SORCS2: variants seen among roughly 807,000 people sequenced by gnomAD.
The protein encoded by SORCS2 is VPS10 domain-containing receptor SorCS2.
SORCS2 carries 100 observed loss-of-function variants against 141.6 expected under a neutral mutation model. The ratio of observed to expected loss-of-function variants is 0.71; its 90% confidence interval spans 0.60 to 0.83. The LOEUF is 0.83. SORCS2 is among the 40% of genes least tolerant of loss of function. The probability of loss-of-function intolerance (pLI) is 0.00; values close to 1 mark genes in which losing one functional copy is unlikely to be tolerated. For synonymous variants in SORCS2, 789 were observed against 676.9 expected (o/e 1.17, Z -2.57); for missense variants, 1,646 against 1,560.2 (o/e 1.05, Z -0.93).
intron 9 of SORCS2, 33 bp downstream of exon 9, chr4:7,676,262 C>G (rs914089877): frequency 8.4e-6 from 13 of 1,542,990 alleles, no homozygotes; most frequent in African/African-American, 1.4e-5. Context: ...CCAGGTCTGC[C>G]GCCGACCCCC....
chr4:7,315,532 G>A (rs1251869871), intron 1 of SORCS2, among the ~76,000 whole-genome samples: 2 of 91,958 alleles, frequency 2.2e-5, no homozygotes, highest in Non-Finnish European at 5.6e-5. Context: ...GAGTAGCCCA[G>A]GGTCTGGGGA....
chr4:7,707,175 A>G (rs1030256433), intron 14 of SORCS2, among the ~76,000 whole-genome samples: 8 of 152,274 alleles, frequency 5.3e-5, no homozygotes, highest in South Asian at 4.2e-4. Flanking sequence ...CCATCATCCA[A>G]TGCACGTTTA....
chr4:7,604,603 G>C (rs866533247), intron 3 of SORCS2, among the ~76,000 whole-genome samples: 2 of 152,304 alleles, frequency 1.3e-5, no homozygotes, highest in Middle Eastern at 6.8e-3. Context: ...CCGGCCTATG[G>C]TGATGGTTTT....
chr4:7,572,474 TAGTG>T (rs577328336), intron 3 of SORCS2, among the ~76,000 whole-genome samples: 68 of 152,364 alleles, frequency 4.5e-4, no homozygotes, highest in Admixed American at 1.4e-3. Context: ...TAAGGCATAT[TAGTG>T]AGAGCAATAA....
intron 2 of SORCS2, among the ~76,000 whole-genome samples, chr4:7,512,676 G>A (rs752396248): frequency 8.4e-5 from 12 of 142,056 alleles, no homozygotes; most frequent in East Asian, 2.3e-4. Context: ...ACCCCTCCCC[G>A]CCCTGCTCAG....
chr4:7,725,536 C>T (rs959065713), intron 20 of SORCS2, among the ~76,000 whole-genome samples: 13 of 152,294 alleles, frequency 8.5e-5, no homozygotes, highest in East Asian at 1.9e-4. Context: ...GAGATGGGAA[C>T]GCAGTGGATT....
At chr4:7,556,103 G>C (rs987151118) in intron 3 of SORCS2, among the ~76,000 whole-genome samples, 2 of 152,206 alleles carry the variant, frequency 1.3e-5, no homozygotes, top group African/African-American at 4.8e-5. Context: ...GGTTGTATTT[G>C]GAATGATCCT....
chr4:7,601,648 A>G (rs898778068), intron 3 of SORCS2, among the ~76,000 whole-genome samples: 8 of 131,194 alleles, frequency 6.1e-5, no homozygotes, highest in African/African-American at 1.4e-4. Flanking sequence ...AAAGTTTAAC[A>G]TAGCTTTGTT....
At chr4:7,411,953 G>A (rs1486299970) in intron 2 of SORCS2, among the ~76,000 whole-genome samples, 1 of 152,166 alleles carries the variant, frequency 6.6e-6, no homozygotes. Context: ...GCCTCTTTGT[G>A]TCTGCTCCCA....
intron 1 of SORCS2, among the ~76,000 whole-genome samples, chr4:7,279,439 A>G (rs1334755771): frequency 6.6e-6 from 1 of 152,200 alleles, no homozygotes; most frequent in African/African-American, 2.4e-5. Flanking sequence ...TGGTGATGTC[A>G]GTGGCCACTG....
intron 3 of SORCS2, among the ~76,000 whole-genome samples, chr4:7,561,815 C>G (rs1160852757): frequency 6.6e-6 from 1 of 151,972 alleles, no homozygotes; most frequent in Non-Finnish European, 1.5e-5. Flanking sequence ...ATCTATACAT[C>G]CATTCATCTG....
chr4:7,684,849 A>T (rs988630637), intron 10 of SORCS2, among the ~76,000 whole-genome samples: 1 of 152,040 alleles, frequency 6.6e-6, no homozygotes, highest in African/African-American at 2.4e-5. Context: ...GTGTTGGCCC[A>T]TGGAGGCCGT....
chr4:7,280,698 A>C (rs1715819109), intron 1 of SORCS2, among the ~76,000 whole-genome samples: 1 of 152,204 alleles, frequency 6.6e-6, no homozygotes, highest in Non-Finnish European at 1.5e-5. Context: ...TTTGCTCCGC[A>C]TCCTCGCCAG....
chr4:7,392,581 C>T (rs749331538), intron 1 of SORCS2, among the ~76,000 whole-genome samples: 1 of 152,010 alleles, frequency 6.6e-6, no homozygotes, highest in Non-Finnish European at 1.5e-5. Context: ...GCCTCAGGGG[C>T]GGGCAGGTTC....
chr4:7,732,119 A>T (rs772975101), intron 23 of SORCS2, among the ~76,000 whole-genome samples: 2 of 152,236 alleles, frequency 1.3e-5, no homozygotes, highest in Non-Finnish European at 2.9e-5. Context: ...TGACTCGATT[A>T]AAAAACGGGC....
At chr4:7,599,949 AAGG>A (rs1717548579) in intron 3 of SORCS2, among the ~76,000 whole-genome samples, 1 of 151,570 alleles carries the variant, frequency 6.6e-6, no homozygotes, top group Non-Finnish European at 1.5e-5. Context: ...TCAGCCTCCC[AAGG>A]AGCTGGGGTT....
intron 2 of SORCS2, among the ~76,000 whole-genome samples, chr4:7,451,879 C>T (rs966830667): frequency 1.3e-5 from 2 of 152,214 alleles, no homozygotes; most frequent in Non-Finnish European, 2.9e-5. Context: ...CTGAACATTC[C>T]CTGACACCTG....
At chr4:7,474,467 T>C (rs1730167037) in intron 2 of SORCS2, among the ~76,000 whole-genome samples, 1 of 152,206 alleles carries the variant, frequency 6.6e-6, no homozygotes, top group South Asian at 2.1e-4. Context: ...GTGAAGACTC[T>C]GGGCCAGCCC....
intron 1 of SORCS2, among the ~76,000 whole-genome samples, chr4:7,378,623 G>A (rs148250154): frequency 1.3e-5 from 2 of 152,224 alleles, no homozygotes; most frequent in East Asian, 1.9e-4. Flanking sequence ...CCCTTGACAC[G>A]TGGAGATTAT....
Sources: allele counts gnomAD v4.1 joint callset (sites outside exome capture counted in the v4.1 genomes callset), GRCh38; gene constraint gnomAD v4.1.1; transcripts MANE v1.5; gene names NCBI Gene and HGNC (gene_info 2026-07-23, HGNC 2026-07-21).